The following PCDHA10 variants were observed in gnomAD, a reference collection of about 807,000 sequenced individuals.
The protein encoded by PCDHA10 is protocadherin alpha-10.
PCDHA10 carries 45 observed loss-of-function variants against 61.2 expected under a neutral mutation model. The ratio of observed to expected loss-of-function variants is 0.74; its 90% confidence interval spans 0.58 to 0.94. PCDHA10 has a LOEUF of 0.94. Ranked by LOEUF, PCDHA10 falls within the 40% of genes least tolerant of loss-of-function variation. The pLI, the probability that PCDHA10 is intolerant of heterozygous loss-of-function variation, is 0.00. For synonymous variants in PCDHA10, 602 were observed against 548.8 expected (o/e 1.10, Z -1.35); for missense variants, 1,278 against 1,236.2 (o/e 1.03, Z -0.51).
At position 140,979,408 on chromosome 5, in the gene PCDHA10, G is replaced by GT. The variant is rs558051720; in HGVS notation, c.2447+411dup. Among the ~76,000 whole-genome samples the GT allele has an allele frequency of 3.0e-3, 447 of 147,714 alleles. 2 individuals carry two copies. Among genetic ancestry groups the GT allele is most frequent in the East Asian group, 0.02 (102 of 5,050 alleles). On this transcript the variant is annotated intron_variant, in intron 2 of 3. Coordinates refer to ENST00000307360, the MANE Select transcript of PCDHA10 (RefSeq NM_018901.4). ...TGTATACATACATGTTGTCTACCTT[G>GT]TTTTTTTTTTAATCTCACATTGGCT...
In PCDHA10 at chr5:140,862,417, T is replaced by G. The variant is rs77196804; in HGVS notation, c.2388+3981T>G. ...GCTGGTGTCTACCTTCAAAAGGCGCTGCCCAGAAACTATTCGTTGGTACTC... is the reference window on the plus strand; with the variant it reads ...GCTGGTGTCTACCTTCAAAAGGCGCGGCCCAGAAACTATTCGTTGGTACTC... On this transcript the variant is annotated intron_variant, in intron 1 of 3. Coordinates refer to ENST00000307360, the MANE Select transcript of PCDHA10 (RefSeq NM_018901.4). 1.4e-3 allele frequency: 485 copies of G among 351,378 alleles called. 3 individuals are homozygous for G. Among genetic ancestry groups the G allele is most frequent in the African/African-American group, 9.6e-3 (451 of 46,736 alleles). 21.8% of individuals were successfully genotyped at this position (351,378 alleles called of 1,614,324 possible).
intron 1 of PCDHA10, chr5:140,927,852 A>C: frequency 6.2e-7 from 1 of 1,614,218 alleles, no homozygotes; most frequent in Non-Finnish European, 8.5e-7. Flanking sequence ...TCTTTGGTTT[A>C]GCTAGCACCG....
chr5:140,886,413 C>T (rs1465937681), intron 1 of PCDHA10, among the ~76,000 whole-genome samples: 1 of 152,042 alleles, frequency 6.6e-6, no homozygotes, highest in Non-Finnish European at 1.5e-5. Flanking sequence ...ATGTTTTCCT[C>T]CTATATTATT....
chr5:140,877,268 C>T, intron 1 of PCDHA10: 1 of 1,613,828 alleles, frequency 6.2e-7, no homozygotes, highest in South Asian at 1.1e-5. Flanking sequence ...GCGGTGGACG[C>T]TGACTCCGGC....
At chr5:140,931,901 T>G (rs2087840006) in intron 1 of PCDHA10, among the ~76,000 whole-genome samples, 1 of 151,938 alleles carries the variant, frequency 6.6e-6, no homozygotes, top group South Asian at 2.1e-4. Flanking sequence ...TCAAATCATT[T>G]GAAAAGCATG....
At position 140,876,973 on chromosome 5, in the gene PCDHA10, G is replaced by A. The variant is rs2056750069; in HGVS notation, c.2388+18537G>A. ...CTCGCTGGTGGAGCGGCGGGTGGGC[G>A]AGCACGCACTGTCGAGCTACGTGTC... is the stretch of plus-strand genomic sequence containing the variant. On this transcript the variant is annotated intron_variant, in intron 1 of 3. Transcript: ENST00000307360. 3 of 1,612,624 alleles carry A rather than the reference G, an allele frequency of 1.9e-6. No individual in the cohort carries two copies. The South Asian group carries it at 3.3e-5, about 18-fold the overall frequency.
chr5:140,946,611 A>AATAT (rs1554217734), intron 1 of PCDHA10, among the ~76,000 whole-genome samples: 1,089 of 86,784 alleles, frequency 0.013, 135 homozygotes, highest in African/African-American at 0.062. Flanking sequence ...GAAAATGTGA[A>AATAT]ATATATATAT....
intron 1 of PCDHA10, among the ~76,000 whole-genome samples, chr5:140,959,306 T>C (rs1554224009): frequency 6.6e-6 from 1 of 152,072 alleles, no homozygotes. Flanking sequence ...AGCCCGGTGG[T>C]TGAAGCTGCA....
chr5:140,870,085 C>A, intron 1 of PCDHA10: 1 of 1,613,862 alleles, frequency 6.2e-7, no homozygotes, highest in Non-Finnish European at 8.5e-7. Context: ...GGGGACTCCC[C>A]CAATGGCAGG....
In PCDHA10 at chr5:140,896,536, C is replaced by CTTT. The variant is rs34213614; in HGVS notation, c.2388+38110_2388+38112dup. 9.4e-4 allele frequency among the ~76,000 whole-genome samples: 137 copies of CTTT among 145,660 alleles called. 1 individual carries two copies. Among genetic ancestry groups the CTTT allele is most frequent in the East Asian group, 2.8e-3 (14 of 5,008 alleles). On this transcript the variant is annotated intron_variant, in intron 1 of 3. Coordinates refer to ENST00000307360, the MANE Select transcript of PCDHA10 (RefSeq NM_018901.4). ...CACACCACAAAGCCCAGCTATTTTT[C>CTTT]TTTTTTTTTTTTGTATTTTAAGTAG... is the stretch of plus-strand genomic sequence containing the variant.
chr5:140,928,234 C>T lies in PCDHA10; in HGVS notation c.2389-50715C>T, dbSNP rs1319421246. The T allele has an allele frequency of 4.3e-6, 7 of 1,614,096 alleles. No homozygotes were observed. In the African/African-American group the frequency reaches 8.0e-5, roughly 18 times the overall value. On this transcript the variant is annotated intron_variant, in intron 1 of 3. Transcript: ENST00000307360. ...TGACAATACACCAAACTTTCCTCAA[C>T]CCCAGCAGGAACTTTTCGTTGCTGA...
At chr5:140,967,051 G>A in intron 1 of PCDHA10, 1 of 1,612,562 alleles carries the variant, frequency 6.2e-7, no homozygotes, top group Non-Finnish European at 8.5e-7. Context: ...TGGACCTGAC[G>A]AGTGGAGCGC....
At position 140,967,913 on chromosome 5, in the gene PCDHA10, A is replaced by G. The variant is rs548732358; in HGVS notation, c.2389-11036A>G. 3.7e-6 allele frequency: 6 copies of G among 1,614,184 alleles called. No homozygotes were observed. The highest frequency in any genetic ancestry group is 1.3e-5 in the African/African-American group (1 of 75,042). ...GCCTGAGAATGCTACACCCAACACC[A>G]TTGTGGCCGTTCTCAGTGTCAATGA... On this transcript the variant is annotated intron_variant, in intron 1 of 3. Transcript: ENST00000307360.
At chr5:140,943,409 T>C (rs1460668622) in intron 1 of PCDHA10, among the ~76,000 whole-genome samples, 1 of 152,078 alleles carries the variant, frequency 6.6e-6, no homozygotes, top group Non-Finnish European at 1.5e-5. Flanking sequence ...AAATTCAGAC[T>C]AGAGGCAAGG....
rs782463268 is a variant in PCDHA10, at chr5:140,941,198, TCTTCCTTTCTTTCTTC to T, written c.2389-37747_2389-37732del. On this transcript the variant is annotated intron_variant, in intron 1 of 3. Transcript: ENST00000307360. ...AACATCCTGCTTCTTTTTTTTTCTTTCTTCCTTTCTTTCTTCCTTTCTTTCTTTCTTTCTTTCTTTC... is the reference window on the plus strand; with the variant it reads ...AACATCCTGCTTCTTTTTTTTTCTTTCTTTCTTTCTTTCTTTCTTTCTTTC... 2.9e-3 allele frequency among the ~76,000 whole-genome samples: 353 copies of T among 119,898 alleles called. 1 individual carries two copies. Among genetic ancestry groups the T allele is most frequent in the African/African-American group, 8.8e-3 (254 of 28,982 alleles). The allele number at this position is 119,898 out of a possible 152,430, so 78.7% of individuals were successfully genotyped here.
Position 140,908,264 on chromosome 5 carries a change from C to T in PCDHA10, c.2388+49828C>T, listed in dbSNP as rs184452768. Among the ~76,000 whole-genome samples the T allele has an allele frequency of 2.1e-4, 32 of 152,244 alleles. 1 individual carries two copies. Among genetic ancestry groups the T allele is most frequent in the African/African-American group, 6.3e-4 (26 of 41,538 alleles). Reference sequence around the variant, plus strand: ...CCTCATCAACTGATCATAGGGAACTCCCCATGAGGCCATTGTTGCAAGCTG... The same window carrying T: ...CCTCATCAACTGATCATAGGGAACTTCCCATGAGGCCATTGTTGCAAGCTG... On this transcript the variant is annotated intron_variant, in intron 1 of 3. Coordinates refer to ENST00000307360, the MANE Select transcript of PCDHA10 (RefSeq NM_018901.4).
At chr5:140,927,808 T>C (rs782535814) in intron 1 of PCDHA10, 116 of 1,614,090 alleles carry the variant, frequency 7.2e-5, no homozygotes, top group Non-Finnish European at 9.6e-5. Context: ...TGAAACGCTC[T>C]TGGAGGCATA....
In PCDHA10 at chr5:140,967,952, C is replaced by T. The variant is rs562783714; in HGVS notation, c.2389-10997C>T. ...CAGTGTCAATGACCAAGACTCAGGC[C>T]CCAACCGGAAAGTGAGCCTGGGTCT... is the stretch of plus-strand genomic sequence containing the variant. On this transcript the variant is annotated intron_variant, in intron 1 of 3. Coordinates refer to ENST00000307360, the MANE Select transcript of PCDHA10 (RefSeq NM_018901.4). The T allele has an allele frequency of 3.1e-6, 5 of 1,614,176 alleles. No individual in the cohort carries two copies. In the African/African-American group the frequency reaches 6.7e-5, roughly 22 times the overall value.
chr5:140,969,401 T>A, intron 1 of PCDHA10: 1 of 1,579,566 alleles, frequency 6.3e-7, no homozygotes, highest in Non-Finnish European at 8.6e-7. Flanking sequence ...ATCCTGTGAT[T>A]TGGCTTTATT....
Sources: gnomAD v4.1 joint callset for allele counts (sites outside exome capture counted in the v4.1 genomes callset) on GRCh38, gnomAD v4.1.1 for gene constraint, MANE v1.5 for transcripts, NCBI Gene and HGNC (gene_info 2026-07-23, HGNC 2026-07-21) for gene names.